Variants in PLEKHH1 observed in about 807,000 individuals in gnomAD.
PLEKHH1 encodes the protein pleckstrin homology, MyTH4 and FERM domain containing H1, also known as pleckstrin homology domain-containing family H member 1.
In PLEKHH1, 104 loss-of-function variants were observed where a neutral mutation model predicts 160.0. The observed-to-expected ratio is 0.65, with a 90% CI of 0.55 to 0.76. PLEKHH1 has a LOEUF of 0.76. Ranked by LOEUF, PLEKHH1 falls within the 30% of genes least tolerant of loss-of-function variation. PLEKHH1 has a pLI of 0.00. For synonymous variants in PLEKHH1, 619 were observed against 678.4 expected (o/e 0.91, Z 1.36); for missense variants, 1,427 against 1,724.1 (o/e 0.83, Z 3.05).
chr14:67,553,740 C>G (rs1272570187), intron 2 of PLEKHH1, among the ~76,000 whole-genome samples: 1 of 152,170 alleles, frequency 6.6e-6, no homozygotes, highest in African/African-American at 2.4e-5. Context: ...TGTTATCTGC[C>G]CCGTGGCTGC....
Position 67,587,320 on chromosome 14 carries a change from G to C in PLEKHH1, c.*85G>C, listed in dbSNP as rs1384149040. On this transcript the variant is annotated 3_prime_UTR_variant, in exon 29 of 29. Coordinates refer to ENST00000329153, the MANE Select transcript of PLEKHH1 (RefSeq NM_020715.3). ...CCTAGGGTATGATACTACTGTGACG[G>C]GTCTAACAGCCCCCGGCTACTCTTG... The C allele has an allele frequency of 6.8e-7, 1 of 1,461,002 alleles. No homozygotes were observed. Among genetic ancestry groups the C allele is most frequent in the Non-Finnish European group, 9.6e-7 (1 of 1,040,830 alleles). 90.5% of individuals were successfully genotyped at this position (1,461,002 alleles called of 1,614,324 possible). A position where few individuals can be genotyped will look rare whatever the true frequency, so the allele number is the denominator to read the frequency against.
In PLEKHH1 at chr14:67,574,023, T is replaced by C. The variant is rs377047369; in HGVS notation, c.1926+136T>C. 1 of 728,992 alleles carries C rather than the reference T, an allele frequency of 1.4e-6. No homozygotes were observed. The allele number at this position is 728,992 out of a possible 1,614,324, so 45.2% of individuals were successfully genotyped here. On this transcript the variant is annotated intron_variant, in intron 13 of 28. Transcript: ENST00000329153. The surrounding 1 kb of genome is among the most constrained non-coding windows in gnomAD (Gnocchi z 4.2). ...ATCAACATTTGGACGTGATCCTAAC[T>C]TGTGAGTACAAGAAAGGAAGATGAG...
intron 2 of PLEKHH1, among the ~76,000 whole-genome samples, chr14:67,551,823 A>G (rs1487336988): frequency 6.6e-6 from 1 of 152,106 alleles, no homozygotes; most frequent in Non-Finnish European, 1.5e-5. Context: ...CGGAGGTTAC[A>G]GTGAGCTGGG....
chr14:67,558,535 G>A (rs1193154748), intron 4 of PLEKHH1, among the ~76,000 whole-genome samples: 1 of 152,192 alleles, frequency 6.6e-6, no homozygotes, highest in Admixed American at 6.5e-5. Context: ...GTTAGAAGTG[G>A]CAGCATCTTG....
In PLEKHH1 at chr14:67,587,308, A is replaced by G. The variant is rs1460431021; in HGVS notation, c.*73A>G. The G allele has an allele frequency of 6.5e-7, 1 of 1,549,188 alleles. No homozygotes were observed. Among genetic ancestry groups the G allele is most frequent in the South Asian group, 1.1e-5 (1 of 89,638 alleles). On this transcript the variant is annotated 3_prime_UTR_variant, in exon 29 of 29. Transcript: ENST00000329153. ...AGAGATATATATCCTAGGGTATGAT[A>G]CTACTGTGACGGGTCTAACAGCCCC...
chr14:67,561,874 A>T (rs1380684995), intron 5 of PLEKHH1, 80 bp from the exon 6 acceptor site: 2 of 1,076,168 alleles, frequency 1.9e-6, no homozygotes, highest in Non-Finnish European at 2.7e-6. Flanking sequence ...TGTCTCAAAA[A>T]AAAAAAAAAA....
In PLEKHH1 at chr14:67,572,137, G is replaced by T. The variant is rs770331514; in HGVS notation, c.1588G>T (p.Val530Phe). ...TTGACTCCTCCTCCCTCGGCAAGGC[G>T]TCTCCATGTCCTCACTGAGCTCCGA... ...LGSPRAIKRG[V>F]SMSSLSSEGD... The change falls in exon 11 of 29, where the codon GTC becomes TTC. Residue 530 changes from valine (V) to phenylalanine (F), a missense_variant and splice_region_variant. Val to Phe is a conservative substitution (Grantham distance 50). This residue lies in a region of PLEKHH1 where 831 missense variants were observed against 929.2 expected (regional missense o/e 0.89). Transcript: ENST00000329153. 1 of 1,605,696 alleles carries T rather than the reference G, an allele frequency of 6.2e-7. No individual in the cohort carries two copies. The highest frequency in any genetic ancestry group is 1.1e-5 in the South Asian group (1 of 89,124).
intron 4 of PLEKHH1, among the ~76,000 whole-genome samples, chr14:67,558,166 A>G (rs2034671083): frequency 6.6e-6 from 1 of 152,030 alleles, no homozygotes; most frequent in African/African-American, 2.4e-5. Flanking sequence ...CACCAACTCC[A>G]TCCCAGTTCT....
In PLEKHH1 at chr14:67,571,749, C is replaced by T; in HGVS notation, c.1435-3C>T. ...TGCAGTGAGGGAGGGGCCTGTCTTGCAGAGAGCTACACAGATCAGCAACAT... is the reference window on the plus strand; with the variant it reads ...TGCAGTGAGGGAGGGGCCTGTCTTGTAGAGAGCTACACAGATCAGCAACAT... On this transcript the variant is annotated splice_region_variant and splice_polypyrimidine_tract_variant and intron_variant, in intron 9 of 28. Transcript: ENST00000329153. The T allele has an allele frequency of 6.2e-7, 1 of 1,612,140 alleles. No homozygotes were observed. Among genetic ancestry groups the T allele is most frequent in the Non-Finnish European group, 8.5e-7 (1 of 1,178,404 alleles).
At chr14:67,559,753 G>T in intron 5 of PLEKHH1, 62 bp downstream of exon 5, 4 of 1,076,362 alleles carry the variant, frequency 3.7e-6, no homozygotes, top group Non-Finnish European at 5.6e-6. Context: ...CCTGACCCCC[G>T]GAGTTTCCTG....
chr14:67,559,575 T>C, intron 4 of PLEKHH1, 33 bp from the exon 5 acceptor site: 1 of 1,453,412 alleles, frequency 6.9e-7, no homozygotes, highest in Non-Finnish European at 9.5e-7. Flanking sequence ...TGGTGATTGT[T>C]GGGATTAACG....
chr14:67,548,755 A>C (rs10873205), intron 2 of PLEKHH1, among the ~76,000 whole-genome samples: 78,808 of 152,018 alleles, frequency 0.52, 20,906 homozygotes, highest in Non-Finnish European at 0.58. Flanking sequence ...TAGCTTAAAA[A>C]CTTCTAACTG....
intron 9 of PLEKHH1, chr14:67,571,464 C>G (rs1189439801): frequency 2.9e-6 from 1 of 344,612 alleles, no homozygotes; most frequent in Non-Finnish European, 5.5e-6. Context: ...GCTTTCTGGC[C>G]CCCTAGTGGC....
chr14:67,587,573 C>A lies in PLEKHH1; in HGVS notation c.*338C>A. On this transcript the variant is annotated 3_prime_UTR_variant, in exon 29 of 29. Coordinates refer to ENST00000329153, the MANE Select transcript of PLEKHH1 (RefSeq NM_020715.3). ...AGTTAAGGCTTTCTGCACTGGTACT[C>A]TCAAGGAAGCTAATTTTCTTTCTGG... The A allele has an allele frequency of 3.3e-6, 1 of 302,476 alleles. No homozygotes were observed. The highest frequency in any genetic ancestry group is 4.9e-5 in the Admixed American group (1 of 20,560). 18.7% of individuals were successfully genotyped at this position (302,476 alleles called of 1,614,324 possible).
chr14:67,576,591 C>T lies in PLEKHH1; in HGVS notation c.2461+88C>T. 2 of 683,482 alleles carry T rather than the reference C, an allele frequency of 2.9e-6. No individual in the cohort carries two copies. Among genetic ancestry groups the T allele is most frequent in the Non-Finnish European group, 5.2e-6 (2 of 384,894 alleles). The allele number at this position is 683,482 out of a possible 1,614,324, so 42.3% of individuals were successfully genotyped here. On this transcript the variant is annotated intron_variant, in intron 17 of 28. Coordinates refer to ENST00000329153, the MANE Select transcript of PLEKHH1 (RefSeq NM_020715.3). This position sits in a 1 kb window ranked among gnomAD's most constrained non-coding sequence, Gnocchi z 4.0. ...AGATCCCAAAGAAAGCAGTGTTGTA[C>T]CCTGAAGCTGTTTTTAAAACATCTA...
Position 67,570,015 on chromosome 14 carries a change from A to G in PLEKHH1, c.1434+3A>G. On this transcript the variant is annotated splice_donor_region_variant and intron_variant, in intron 9 of 28. Transcript: ENST00000329153. ...CTGTCTACACAGCACTGAAGGGGGT[A>G]AGAAACTGCTGCACAAAGAGGGGGT... 2 of 1,568,434 alleles carry G rather than the reference A, an allele frequency of 1.3e-6. No individual in the cohort carries two copies. Among genetic ancestry groups the G allele is most frequent in the Non-Finnish European group, 1.7e-6 (2 of 1,144,230 alleles).
chr14:67,559,548 C>G (rs1452196665), intron 4 of PLEKHH1, 60 bp from the exon 5 acceptor site: 19 of 1,220,486 alleles, frequency 1.6e-5, no homozygotes, highest in Non-Finnish European at 2.1e-5. Flanking sequence ...TTTCCCACCT[C>G]CAGTCAGTCA....
intron 23 of PLEKHH1, 78 bp from the exon 24 acceptor site, chr14:67,581,991 A>C (rs749132425): frequency 3.1e-5 from 44 of 1,398,758 alleles, no homozygotes; most frequent in Non-Finnish European, 4.3e-5. Context: ...TTGGAAATAA[A>C]GGTAACAGAC....
chr14:67,574,405 TAG>T lies in PLEKHH1; in HGVS notation c.2088+5_2088+6del. On this transcript the variant is annotated splice_donor_region_variant and intron_variant, in intron 14 of 28. Coordinates refer to ENST00000329153, the MANE Select transcript of PLEKHH1 (RefSeq NM_020715.3). The surrounding 1 kb of genome is among the most constrained non-coding windows in gnomAD (Gnocchi z 4.2). ...ACCGTGAAGGGCTGGCTGACCAAGGTAGAGGGTGGGGCTGATAGGGCAGGAAC... is the reference window on the plus strand; with the variant it reads ...ACCGTGAAGGGCTGGCTGACCAAGGTAGGGTGGGGCTGATAGGGCAGGAAC... 2.6e-6 allele frequency: 4 copies of T among 1,555,358 alleles called. No individual in the cohort carries two copies. Among genetic ancestry groups the T allele is most frequent in the Non-Finnish European group, 3.5e-6 (4 of 1,151,032 alleles).
Sources: gnomAD v4.1 joint callset for allele counts (sites outside exome capture counted in the v4.1 genomes callset) on GRCh38, gnomAD v4.1.1 for gene constraint, gnomAD v4.1.1 regional missense constraint, Gnocchi (gnomAD v3.1) non-coding constraint, MANE v1.5 for transcripts, NCBI Gene and HGNC (gene_info 2026-07-23, HGNC 2026-07-21) for gene names.